The following FANCA variants were observed in gnomAD, a reference collection of about 807,000 sequenced individuals.
FANCA encodes the protein FA complementation group A.
Under a neutral mutation model 194.3 loss-of-function variants are expected in FANCA, and 236 were observed. The observed-to-expected ratio is 1.21, with a 90% confidence interval of 1.09 to 1.35. The LOEUF (loss-of-function observed/expected upper bound fraction) is 1.35. Ranked by LOEUF, FANCA falls within the 40% of genes most tolerant of loss-of-function variation. The pLI, the probability that FANCA is intolerant of heterozygous loss-of-function variation, is 0.00. For missense variants in FANCA, 2,628 were observed against 1,813.9 expected (o/e 1.45, Z -8.15); for synonymous variants, 1,014 against 715.8 (o/e 1.42, Z -6.65).
intron 6 of FANCA, 143 bp from the exon 7 acceptor site, chr16:89,805,535 T>C: frequency 1.5e-6 from 1 of 663,550 alleles, no homozygotes; most frequent in Non-Finnish European, 2.8e-6. Context: ...AATCAGTCAC[T>C]GCACCCTCGA....
chr16:89,767,702 C>A (rs2039178453), intron 26 of FANCA, among the ~76,000 whole-genome samples: 1 of 152,192 alleles, frequency 6.6e-6, no homozygotes, highest in African/African-American at 2.4e-5. Flanking sequence ...GTGCCAGCCT[C>A]CATGCCCAGC....
intron 14 of FANCA, 92 bp downstream of exon 14, chr16:89,791,311 A>G: frequency 6.5e-7 from 1 of 1,527,960 alleles, no homozygotes; most frequent in Non-Finnish European, 8.9e-7. Flanking sequence ...GCTCACTCAC[A>G]TGACAGAGAA....
intron 29 of FANCA, among the ~76,000 whole-genome samples, chr16:89,759,349 A>AAG (rs1386463570): frequency 7.9e-5 from 11 of 139,460 alleles, no homozygotes; most frequent in Non-Finnish European, 1.2e-4. Context: ...AAAAAAAAAA[A>AAG]GTAGCCTGGA....
intron 32 of FANCA, 33 bp from the exon 33 acceptor site, chr16:89,748,800 C>T (rs1455964338): frequency 7.7e-6 from 12 of 1,556,000 alleles, no homozygotes; most frequent in East Asian, 2.2e-5. Context: ...GTGGCGACAG[C>T]ACAGCGTACA....
Position 89,747,032 on chromosome 16 carries a change from T to G in FANCA, c.3349-142A>C. The stretch of plus-strand genomic sequence containing the variant: ...GCCACCATGGATGGTGCTCCTGGGC[T>G]GACCGGGCCTGGCGCCCTGGCTGTG... On this transcript the variant is annotated intron_variant, in intron 33 of 42. Coordinates refer to ENST00000389301, the MANE Select transcript of FANCA (RefSeq NM_000135.4). The G allele has an allele frequency of 1.1e-5, 9 of 814,822 alleles. No homozygotes were observed. The South Asian group carries it at 1.2e-4, about 10-fold the overall frequency. 50.5% of individuals were successfully genotyped at this position (814,822 alleles called of 1,614,324 possible). A position where few individuals can be genotyped will look rare whatever the true frequency, so the allele number is the denominator to read the frequency against.
chr16:89,810,513 G>T, intron 5 of FANCA, 194 bp downstream of exon 5: 1 of 601,218 alleles, frequency 1.7e-6, no homozygotes, highest in Non-Finnish European at 3.0e-6. Flanking sequence ...AGGTGAATAG[G>T]GACAAAAAAT....
At chr16:89,794,149 A>G (rs896190064) in intron 11 of FANCA, among the ~76,000 whole-genome samples, 3 of 152,178 alleles carry the variant, frequency 2.0e-5, no homozygotes, top group East Asian at 1.9e-4. Flanking sequence ...CCTATTTGCT[A>G]TATCATCAAT....
In FANCA at chr16:89,765,100, TGC is replaced by T. The variant is rs760177085; in HGVS notation, c.2602-36_2602-35del. On this transcript the variant is annotated intron_variant, in intron 27 of 42. Transcript: ENST00000389301. ...GAGAGTGACCCGGCCGTTTCTTCATTGCGCAAGTTTCACTGTGAGTGGCTGAG... is the reference window on the plus strand; with the variant it reads ...GAGAGTGACCCGGCCGTTTCTTCATTGCAAGTTTCACTGTGAGTGGCTGAG... The T allele has an allele frequency of 3.7e-6, 6 of 1,612,696 alleles. No individual in the cohort carries two copies. In the East Asian group the frequency reaches 1.3e-4, roughly 36 times the overall value.
chr16:89,782,147 G>A (rs577241181), intron 17 of FANCA, among the ~76,000 whole-genome samples: 9 of 151,974 alleles, frequency 5.9e-5, no homozygotes, highest in South Asian at 4.2e-4. Flanking sequence ...AGGCCAAGGC[G>A]GGCAGATCAC....
rs762079136 is a variant in FANCA, at chr16:89,799,208, C to G, written c.851G>C (p.Gly284Ala). The G allele has an allele frequency of 7.3e-5, 118 of 1,614,124 alleles. 1 individual carries two copies. In the South Asian group the frequency reaches 1.2e-3, roughly 17 times the overall value. ...GTGAGTGGAGGACTCCTCCTGTACTCCAGCAGCCAAAGCGTCAAGTGCAAC... is the reference window on the plus strand; with the variant it reads ...GTGAGTGGAGGACTCCTCCTGTACTGCAGCAGCCAAAGCGTCAAGTGCAAC... ...LIFALDALAAGVQEESSTHKI... is the reference protein window; with the variant it reads ...LIFALDALAAAVQEESSTHKI... Residue 284 changes from glycine to alanine, a missense_variant, in exon 10 of 43, where the codon GGA becomes GCA. Physicochemically the swap from Gly to Ala is moderately conservative, Grantham distance 60 (BLOSUM62 0). Coordinates refer to ENST00000389301, the MANE Select transcript of FANCA (RefSeq NM_000135.4).
At chr16:89,783,688 G>A (rs915815819) in intron 15 of FANCA, among the ~76,000 whole-genome samples, 2 of 152,136 alleles carry the variant, frequency 1.3e-5, no homozygotes, top group South Asian at 2.1e-4. Flanking sequence ...TCCTAGCAGC[G>A]GCAGCAGGAA....
intron 7 of FANCA, among the ~76,000 whole-genome samples, chr16:89,805,033 C>A (rs1370582654): frequency 6.6e-6 from 1 of 152,064 alleles, no homozygotes; most frequent in Non-Finnish European, 1.5e-5. Context: ...GAAGCAGCTG[C>A]GGTCACTCTA....
At chr16:89,795,832 G>A in intron 11 of FANCA, 74 bp downstream of exon 11, 1 of 1,064,544 alleles carries the variant, frequency 9.4e-7, no homozygotes, top group Non-Finnish European at 1.5e-6. Flanking sequence ...TCTCCAGTCA[G>A]CGTTACCAAG....
chr16:89,748,654 C>CA lies in FANCA; in HGVS notation c.3348+4_3348+5insT. On this transcript the variant is annotated splice_donor_region_variant and intron_variant, in intron 33 of 42. Transcript: ENST00000389301. The stretch of plus-strand genomic sequence containing the variant: ...CGGACGGACACGTGCACACGGGGCA[C>CA]CTACCATCTCAGAGTTGACCAAGTG... 1.2e-6 allele frequency: 2 copies of CA among 1,611,120 alleles called. No homozygotes were observed. Among genetic ancestry groups the CA allele is most frequent in the South Asian group, 2.2e-5 (2 of 91,032 alleles).
At chr16:89,788,854 T>C (rs1409640361) in intron 14 of FANCA, among the ~76,000 whole-genome samples, 1 of 152,194 alleles carries the variant, frequency 6.6e-6, no homozygotes, top group African/African-American at 2.4e-5. Context: ...TTAAATTGGA[T>C]ACCTTTCATT....
At chr16:89,793,197 G>A (rs368854884) in intron 11 of FANCA, among the ~76,000 whole-genome samples, 8 of 152,234 alleles carry the variant, frequency 5.3e-5, no homozygotes, top group Admixed American at 2.6e-4. Flanking sequence ...TCTAAGTAGT[G>A]AGTGGTGTTC....
At chr16:89,759,190 G>A (rs951769592) in intron 29 of FANCA, among the ~76,000 whole-genome samples, 2 of 151,476 alleles carry the variant, frequency 1.3e-5, no homozygotes, top group African/African-American at 4.8e-5. Context: ...CGTGGTGGTG[G>A]GCGCCTGTAG....
In FANCA at chr16:89,812,426, C is replaced by T. The variant is rs2040922456; in HGVS notation, c.284-1355G>A. Among the ~76,000 whole-genome samples the T allele has an allele frequency of 2.6e-5, 4 of 151,778 alleles. No individual in the cohort carries two copies. In the South Asian group the frequency reaches 8.3e-4, roughly 32 times the overall value. On this transcript the variant is annotated intron_variant, in intron 3 of 42. Coordinates refer to ENST00000389301, the MANE Select transcript of FANCA (RefSeq NM_000135.4). The stretch of plus-strand genomic sequence containing the variant: ...CTTTGGGAGGCCGAGGCGGGTGGAT[C>T]ACCTGAGGTCGGGAGTTTGAGACCA...
chr16:89,780,126 T>C (rs1229140721), intron 17 of FANCA, among the ~76,000 whole-genome samples, 169 bp from the exon 18 acceptor site: 1 of 152,160 alleles, frequency 6.6e-6, no homozygotes, highest in Admixed American at 6.5e-5. Context: ...CACTCCAAAA[T>C]GTCCCAAAAT....
Sources: allele counts gnomAD v4.1 joint callset (sites outside exome capture counted in the v4.1 genomes callset), GRCh38; gene constraint gnomAD v4.1.1; transcripts MANE v1.5; gene names NCBI Gene and HGNC (gene_info 2026-07-23, HGNC 2026-07-21).